SPON1: variants seen among roughly 807,000 people sequenced by gnomAD.
SPON1 encodes spondin-1.
SPON1 carries 52 observed loss-of-function variants against 111.7 expected under a neutral mutation model. The observed-to-expected ratio is 0.47, with a 90% CI of 0.37 to 0.59. The LOEUF is 0.59. SPON1 is among the 20% of genes least tolerant of loss of function. SPON1 has a pLI of 0.00. For synonymous variants in SPON1, 410 were observed against 395.8 expected (o/e 1.04, Z -0.43); for missense variants, 957 against 1,068.5 (o/e 0.90, Z 1.46).
intron 6 of SPON1, among the ~76,000 whole-genome samples, chr11:14,167,986 A>ATGG (rs532782616): frequency 3.0e-4 from 45 of 152,320 alleles, no homozygotes; most frequent in Non-Finnish European, 6.3e-4. Context: ...CATTCTCTTT[A>ATGG]ACAAAATCCA....
intron 6 of SPON1, among the ~76,000 whole-genome samples, chr11:14,242,711 C>T (rs1215490297): frequency 1.3e-5 from 2 of 152,240 alleles, no homozygotes; most frequent in African/African-American, 4.8e-5. Context: ...CAAAAAATTA[C>T]TTTAGTTTCC....
intron 6 of SPON1, among the ~76,000 whole-genome samples, chr11:14,197,743 A>T (rs1337896764): frequency 6.6e-6 from 1 of 151,826 alleles, no homozygotes; most frequent in Non-Finnish European, 1.5e-5. Context: ...TTGAACCTGG[A>T]GGCAGAAGTT....
Position 14,243,350 on chromosome 11 carries a change from G to T in SPON1, c.844G>T (p.Val282Phe). 1 of 1,584,620 alleles carries T rather than the reference G, an allele frequency of 6.3e-7. No individual in the cohort carries two copies. Among genetic ancestry groups the T allele is most frequent in the Non-Finnish European group, 8.6e-7 (1 of 1,164,880 alleles). The part of the protein sequence containing the change: ...IRQQSDEVLT[V>F]IKAKAQWPAW... ...TTTGCAGAGTGATGAGGTCCTCACC[G>T]TCATCAAAGCCAAAGCCCAATGGCC... is the stretch of plus-strand genomic sequence containing the variant. Residue 282 changes from valine to phenylalanine, a missense_variant, in exon 7 of 16, where the codon GTC becomes TTC. Physicochemically the swap from Val to Phe is conservative, Grantham distance 50 (BLOSUM62 -1). Transcript: ENST00000576479.
chr11:14,095,300 T>C (rs552239769), intron 5 of SPON1, among the ~76,000 whole-genome samples: 2 of 152,244 alleles, frequency 1.3e-5, no homozygotes, highest in East Asian at 1.9e-4. Context: ...TGATACCATA[T>C]GGACCATAGC....
At chr11:14,243,202 T>C in intron 6 of SPON1, 130 bp from the exon 7 acceptor site, 1 of 813,178 alleles carries the variant, frequency 1.2e-6, no homozygotes, top group South Asian at 1.6e-5. Flanking sequence ...GAGAGGTGGC[T>C]GTACACCCAG....
rs1219960128 is a variant in SPON1, at chr11:14,228,115, A to T, written c.826-15217A>T. ...TGATGGGTGATGCTGTTTTGCTGAAATTAAATGACTGCTCACAATCTCGAT... is the reference window on the plus strand; with the variant it reads ...TGATGGGTGATGCTGTTTTGCTGAATTTAAATGACTGCTCACAATCTCGAT... On this transcript the variant is annotated intron_variant, in intron 6 of 15. Transcript: ENST00000576479. The surrounding 1 kb of genome is among the most constrained non-coding windows in gnomAD (Gnocchi z 4.2). 6.6e-6 allele frequency among the ~76,000 whole-genome samples: 1 copy of T among 152,200 alleles called. No homozygotes were observed. The highest frequency in any genetic ancestry group is 1.5e-5 in the Non-Finnish European group (1 of 68,046).
At chr11:14,117,549 C>A (rs1554926113) in intron 5 of SPON1, among the ~76,000 whole-genome samples, 4 of 152,120 alleles carry the variant, frequency 2.6e-5, no homozygotes, top group African/African-American at 9.7e-5. Flanking sequence ...ATATAGCATA[C>A]TTTTTCTAAT....
chr11:14,134,598 A>G (rs1437722970), intron 5 of SPON1, among the ~76,000 whole-genome samples: 1 of 152,236 alleles, frequency 6.6e-6, no homozygotes, highest in Admixed American at 6.5e-5. Flanking sequence ...ACTGAAATGT[A>G]CATAGAAGTC....
chr11:14,133,008 A>G (rs556206167), intron 5 of SPON1, among the ~76,000 whole-genome samples: 16 of 152,334 alleles, frequency 1.1e-4, no homozygotes, highest in African/African-American at 3.4e-4. Flanking sequence ...AATTTAACCA[A>G]GTTTACAAAG....
At chr11:13,970,668 G>T (rs1348188098) in intron 1 of SPON1, among the ~76,000 whole-genome samples, 1 of 152,026 alleles carries the variant, frequency 6.6e-6, no homozygotes, top group South Asian at 2.1e-4. Context: ...AATACACTAA[G>T]CTCATTCGCT....
At chr11:14,168,437 A>G (rs1383816426) in intron 6 of SPON1, among the ~76,000 whole-genome samples, 2 of 152,202 alleles carry the variant, frequency 1.3e-5, no homozygotes, top group African/African-American at 2.4e-5. Context: ...TCTTTTATAG[A>G]TAAACATACA....
intron 2 of SPON1, among the ~76,000 whole-genome samples, chr11:14,018,743 A>G (rs1848460662): frequency 6.6e-6 from 1 of 152,224 alleles, no homozygotes; most frequent in South Asian, 2.1e-4. Flanking sequence ...GGGAGAGTGT[A>G]GCACAGGGCA....
chr11:14,003,422 A>G (rs1450163788), intron 2 of SPON1, among the ~76,000 whole-genome samples: 1 of 152,130 alleles, frequency 6.6e-6, no homozygotes, highest in African/African-American at 2.4e-5. Flanking sequence ...TGGAGTTTTT[A>G]TGAGGGTTTA....
At chr11:14,262,629 G>C in intron 14 of SPON1, 83 bp from the exon 15 acceptor site, 2 of 1,552,380 alleles carry the variant, frequency 1.3e-6, no homozygotes, top group Non-Finnish European at 1.8e-6. Flanking sequence ...TCCCTCATAG[G>C]CTTGTTGAGA....
At chr11:14,256,532 T>G in intron 9 of SPON1, 85 bp from the exon 10 acceptor site, 3 of 896,658 alleles carry the variant, frequency 3.3e-6, no homozygotes, top group Non-Finnish European at 5.4e-6. Context: ...AGAATGGCGA[T>G]TAGATTTTAG....
rs191984584 is a variant in SPON1 at position 14,113,894 on chromosome 11, G to A, written c.677-21526G>A. ...GCTGGGATTACAGGCGTGAGCCACC[G>A]CGCCTGGCCAAATTTTTATTTAAAT... On this transcript the variant is annotated intron_variant, in intron 5 of 15. Coordinates refer to ENST00000576479, the MANE Select transcript of SPON1 (RefSeq NM_006108.4). 3.3e-4 allele frequency among the ~76,000 whole-genome samples: 50 copies of A among 152,062 alleles called. 1 individual carries two copies. Among genetic ancestry groups the A allele is most frequent in the African/African-American group, 1.1e-3 (46 of 41,490 alleles).
Position 13,983,078 on chromosome 11 carries a change from C to A in SPON1, c.345+125C>A, listed in dbSNP as rs571598854. The A allele has an allele frequency of 3.4e-5, 22 of 642,798 alleles. No homozygotes were observed. The African/African-American group carries it at 3.8e-4, about 11-fold the overall frequency. 39.8% of individuals were successfully genotyped at this position (642,798 alleles called of 1,614,324 possible). On this transcript the variant is annotated intron_variant, in intron 2 of 15. Coordinates refer to ENST00000576479, the MANE Select transcript of SPON1 (RefSeq NM_006108.4). Reference sequence around the variant, plus strand: ...GACCGTTGGCCAACGGGGGCAGGTCCATTTGAAAGGGTCATCATGGAGCAA... The same window carrying A: ...GACCGTTGGCCAACGGGGGCAGGTCAATTTGAAAGGGTCATCATGGAGCAA...
At chr11:14,264,192 G>C (rs1219789264) in intron 15 of SPON1, among the ~76,000 whole-genome samples, 1 of 152,166 alleles carries the variant, frequency 6.6e-6, no homozygotes, top group East Asian at 1.9e-4. Flanking sequence ...AAACCAGGCT[G>C]GGAAGGCAGG....
rs1166818070 is a variant in SPON1 at position 14,259,566 on chromosome 11, G to A, written c.1696G>A (p.Glu566Lys). 11 of 1,553,148 alleles carry A rather than the reference G, an allele frequency of 7.1e-6. 1 individual carries two copies. Among genetic ancestry groups the A allele is most frequent in the South Asian group, 1.2e-5 (1 of 84,114 alleles). Residue 566 changes from glutamate to lysine, a missense_variant, in exon 13 of 16, where the codon GAG becomes AAG. Coordinates refer to ENST00000576479, the MANE Select transcript of SPON1 (RefSeq NM_006108.4). The surrounding 1 kb of genome is among the most constrained non-coding windows in gnomAD (Gnocchi z 5.0). ...PSSCLMTEWG[E>K]WDECSATCGM... ...CAGCTGCCTGATGACCGAGTGGGGC[G>A]AGTGGGACGAGTGCAGCGCCACCTG...
Sources: allele counts gnomAD v4.1 joint callset (sites outside exome capture counted in the v4.1 genomes callset), GRCh38; gene constraint gnomAD v4.1.1; non-coding constraint Gnocchi (gnomAD v3.1); transcripts MANE v1.5; gene names NCBI Gene and HGNC (gene_info 2026-07-23, HGNC 2026-07-21).